ART3: variants seen among roughly 807,000 people sequenced by gnomAD.
ART3 encodes the protein ecto-ADP-ribosyltransferase 3.
In ART3, 49 loss-of-function variants were observed where a neutral mutation model predicts 48.5. The observed-to-expected ratio is 1.01, with a 90% CI of 0.80 to 1.28. The LOEUF (loss-of-function observed/expected upper bound fraction) is 1.28. Among genes scored for constraint, ART3 ranks in the 50% most tolerant of loss-of-function variants. ART3 has a pLI of 0.00. For synonymous variants in ART3, 145 were observed against 157.2 expected, an observed-to-expected ratio of 0.92 and a Z score of 0.58; for missense variants, 438 against 454.3, an observed-to-expected ratio of 0.96 and a Z score of 0.33.
At position 76,107,788 on chromosome 4, in the gene ART3, A is replaced by G. The variant is rs112310857; in HGVS notation, c.1031A>G (p.Asn344Ser). 8 of 1,478,238 alleles carry G rather than the reference A, an allele frequency of 5.4e-6. No homozygotes were observed. The highest frequency in any genetic ancestry group is 2.9e-5 in the African/African-American group (2 of 69,024). The allele number at this position is 1,478,238 out of a possible 1,614,324, so 91.6% of individuals were successfully genotyped here. A position where few individuals can be genotyped will look rare whatever the true frequency, so the allele number is the denominator to read the frequency against. ...GATAAAAGTCAAGGAAATATCAACAATCCTAGTAAGAAGTATCTCATTTCC... is the reference window on the plus strand; with the variant it reads ...GATAAAAGTCAAGGAAATATCAACAGTCCTAGTAAGAAGTATCTCATTTCC... ...PEDKSQGNIN[N>S]PTPGPVPVPG... The change falls in exon 11 of 12, where the codon AAT (asparagine) becomes AGT (serine). Residue 344 changes from asparagine (N) to serine (S), a missense_variant. This residue lies in a region of ART3 where 227 missense variants were observed against 229.6 expected (regional missense o/e 0.99). Transcript: ENST00000355810.
intron 1 of ART3, among the ~76,000 whole-genome samples, chr4:76,026,488 T>C (rs1020137904): frequency 1.3e-5 from 2 of 152,228 alleles, no homozygotes; most frequent in Non-Finnish European, 2.9e-5. Flanking sequence ...GTTCATCAGA[T>C]TTCTGAATCT....
At chr4:76,070,477 G>T (rs762728632), upstream of ART3, among the ~76,000 whole-genome samples, 18 of 152,068 alleles carry the variant, frequency 1.2e-4, no homozygotes, top group Non-Finnish European at 2.5e-4. Flanking sequence ...ATCTTCCTTT[G>T]TGAAGTGTCA....
At chr4:76,081,748 G>A (rs1722524488) in intron 2 of ART3, 76 bp from the exon 3 acceptor site, 1 of 1,449,522 alleles carries the variant, frequency 6.9e-7, no homozygotes, top group Admixed American at 2.0e-5. Context: ...TGAGAAGGTG[G>A]GGGTAATAAT....
intron 1 of ART3, among the ~76,000 whole-genome samples, chr4:76,058,324 A>G (rs535429327): frequency 4.5e-4 from 69 of 152,342 alleles, no homozygotes; most frequent in African/African-American, 1.6e-3. Flanking sequence ...ATTACTATAC[A>G]TTAGACCTTT....
At position 76,082,312 on chromosome 4, in the gene ART3, A is replaced by G. The variant is rs1241835132; in HGVS notation, c.558A>G (p.Ala186=). The G allele has an allele frequency of 3.7e-6, 6 of 1,614,222 alleles. No homozygotes were observed. In the Admixed American group the frequency reaches 1.0e-4, roughly 27 times the overall value. ...NQARFGHFTL[A]YSAKPQAAND... ...CCAGGTTTGGCCATTTTACCTTGGC[A>G]TATTCAGCCAAACCTCAGGCTGCTA... The change falls in exon 3 of 12, where the codon GCA becomes GCG. Residue 186 remains alanine, a synonymous_variant. Coordinates refer to ENST00000355810, the MANE Select transcript of ART3 (RefSeq NM_001130016.3).
chr4:76,013,892 G>A (rs906881703), intron 1 of ART3, among the ~76,000 whole-genome samples: 1 of 152,014 alleles, frequency 6.6e-6, no homozygotes, highest in Non-Finnish European at 1.5e-5. Context: ...ACTTTGTATT[G>A]GTTTAACATC....
chr4:76,074,204 C>A (rs1720626958), upstream of ART3, among the ~76,000 whole-genome samples: 1 of 152,126 alleles, frequency 6.6e-6, no homozygotes, highest in African/African-American at 2.4e-5. Context: ...ACTTGGGATT[C>A]TTAACATGTT....
chr4:76,040,440 A>ACACACACACG (rs1553926423), intron 1 of ART3, among the ~76,000 whole-genome samples: 42 of 93,284 alleles, frequency 4.5e-4, no homozygotes, highest in African/African-American at 2.1e-3. Flanking sequence ...CACTGGATAC[A>ACACACACACG]CACACACACA....
At chr4:76,035,315 C>T in intron 1 of ART3, 1 of 1,614,030 alleles carries the variant, frequency 6.2e-7, no homozygotes. Context: ...TATGCAAAGA[C>T]AGCGTCCTCT....
In ART3 at chr4:76,107,791, C is replaced by A; in HGVS notation, c.1034C>A (p.Pro345His). 1.4e-6 allele frequency: 2 copies of A among 1,473,624 alleles called. No homozygotes were observed. Among genetic ancestry groups the A allele is most frequent in the Non-Finnish European group, 1.8e-6 (2 of 1,085,852 alleles). The allele number at this position is 1,473,624 out of a possible 1,614,324, so 91.3% of individuals were successfully genotyped here. ...AAAAGTCAAGGAAATATCAACAATC[C>A]TAGTAAGAAGTATCTCATTTCCTCA... ...EDKSQGNINN[P>H]TPGPVPVPGP... Residue 345 changes from proline (P) to histidine (H), a missense_variant and splice_region_variant, in exon 11 of 12, where the codon CCT (proline) becomes CAT (histidine). Around this residue, in one of 3 missense-constraint regions of ART3, gnomAD observed 227 missense variants for 229.6 expected, o/e 0.99. Transcript: ENST00000355810.
At chr4:76,051,418 C>G (rs1265148138) in intron 1 of ART3, among the ~76,000 whole-genome samples, 3 of 152,072 alleles carry the variant, frequency 2.0e-5, no homozygotes, top group Non-Finnish European at 4.4e-5. Flanking sequence ...CCATTAGGCA[C>G]TGGGTAAGGC....
chr4:76,071,040 G>T (rs1169372995), upstream of ART3, among the ~76,000 whole-genome samples: 2 of 151,714 alleles, frequency 1.3e-5, no homozygotes, highest in East Asian at 1.9e-4. Context: ...CAACATGCTG[G>T]TTTTTTTCTG....
chr4:76,054,493 A>G (rs1037900751), intron 1 of ART3, among the ~76,000 whole-genome samples: 1 of 152,184 alleles, frequency 6.6e-6, no homozygotes, highest in African/African-American at 2.4e-5. Context: ...TATAATCTTG[A>G]TACTTAAATT....
intron 3 of ART3, among the ~76,000 whole-genome samples, chr4:76,093,348 G>A (rs1406724020): frequency 6.6e-6 from 1 of 152,160 alleles, no homozygotes; most frequent in Non-Finnish European, 1.5e-5. Flanking sequence ...AGGATTGCTT[G>A]AGCCCAAGAG....
intron 3 of ART3, among the ~76,000 whole-genome samples, chr4:76,084,434 A>G (rs926006743): frequency 3.9e-5 from 6 of 152,116 alleles, no homozygotes; most frequent in African/African-American, 1.2e-4. Flanking sequence ...TTTAGAAACT[A>G]TTTTTCCTTG....
chr4:76,070,376 G>A (rs372231433), upstream of ART3, among the ~76,000 whole-genome samples: 10 of 152,060 alleles, frequency 6.6e-5, no homozygotes, highest in African/African-American at 2.4e-4. Flanking sequence ...TTTAATTTTA[G>A]CCATTCTAGT....
intron 1 of ART3, among the ~76,000 whole-genome samples, chr4:76,069,378 C>G (rs993291698): frequency 3.7e-5 from 5 of 133,680 alleles, no homozygotes; most frequent in Non-Finnish European, 7.7e-5. Flanking sequence ...TGTATCAGTA[C>G]TTAATTCCTT....
At chr4:76,048,572 T>C (rs545772436) in intron 1 of ART3, among the ~76,000 whole-genome samples, 2 of 151,908 alleles carry the variant, frequency 1.3e-5, no homozygotes, top group East Asian at 3.9e-4. Context: ...TTGGAATAGT[T>C]GCGCTCACCG....
At chr4:76,021,937 G>T (rs1348351557) in intron 1 of ART3, 14 of 1,611,480 alleles carry the variant, frequency 8.7e-6, no homozygotes, top group Admixed American at 1.7e-5. Context: ...GTTTTAAGGA[G>T]ATCTTTTAGA....
Sources: allele counts gnomAD v4.1 joint callset (sites outside exome capture counted in the v4.1 genomes callset), GRCh38; gene constraint gnomAD v4.1.1; regional missense constraint gnomAD v4.1.1; transcripts MANE v1.5; gene names NCBI Gene and HGNC (gene_info 2026-07-23, HGNC 2026-07-21).